Variants in FGD6 observed in about 807,000 individuals in gnomAD.
FGD6 encodes FYVE, RhoGEF and PH domain containing 6.
In FGD6, 90 loss-of-function variants were observed where a neutral mutation model predicts 149.4. The ratio of observed to expected loss-of-function variants is 0.60; its 90% CI spans 0.51 to 0.72. The LOEUF is 0.72. FGD6 is among the 30% of genes least tolerant of loss of function. The probability of loss-of-function intolerance (pLI) is 0.00; values close to 1 mark genes in which losing one functional copy is unlikely to be tolerated. For synonymous variants in FGD6, 527 were observed against 584.0 expected (o/e 0.90, Z 1.41); for missense variants, 1,437 against 1,684.8 (o/e 0.85, Z 2.57).
At chr12:95,132,527 C>A (rs1052071806) in intron 8 of FGD6, among the ~76,000 whole-genome samples, 7 of 152,052 alleles carry the variant, frequency 4.6e-5, no homozygotes, top group Admixed American at 1.3e-4. Context: ...CCAAGGCAGG[C>A]GGATCACAAG....
intron 8 of FGD6, chr12:95,126,017 G>A: frequency 7.4e-7 from 1 of 1,345,932 alleles, no homozygotes. Flanking sequence ...ATACAAAATG[G>A]GCAGCCACAC....
chr12:95,156,704 T>C (rs1880482896), intron 3 of FGD6, among the ~76,000 whole-genome samples: 1 of 152,170 alleles, frequency 6.6e-6, no homozygotes, highest in Non-Finnish European at 1.5e-5. Context: ...AAAAACTTGC[T>C]GGTTTTACGG....
chr12:95,131,108 GTTTTTTTTTT>G (rs59897965), intron 8 of FGD6, among the ~76,000 whole-genome samples: 9 of 128,362 alleles, frequency 7.0e-5, no homozygotes, highest in African/African-American at 2.6e-4. Context: ...TGGCTAAAGA[GTTTTTTTTTT>G]TTTTTTTTTT....
chr12:95,208,995 C>A lies in FGD6; in HGVS notation c.2289G>T (p.Leu763Phe). The A allele has an allele frequency of 6.2e-7, 1 of 1,614,126 alleles. No individual in the cohort carries two copies. The highest frequency in any genetic ancestry group is 8.5e-7 in the Non-Finnish European group (1 of 1,180,022). Residue 763 changes from leucine to phenylalanine, a missense_variant, in exon 2 of 21, where the codon TTG (leucine) becomes TTT (phenylalanine). Physicochemically the swap from Leu to Phe is conservative, Grantham distance 22 (BLOSUM62 0). This residue lies in a region of FGD6 where 1,055 missense variants were observed against 1,146.0 expected (regional missense o/e 0.92). Coordinates refer to ENST00000343958, the MANE Select transcript of FGD6 (RefSeq NM_018351.4). ...TTTTCCGTATAGCCATAATAAATGG[C>A]AAGTTCTCGTACTCTGGTATTTCCT... is the stretch of plus-strand genomic sequence containing the variant. ...HYEEIPEYEN[L>F]PFIMAIRKTQ...
rs536084149 is a variant in FGD6 at position 95,082,893 on chromosome 12, T to G, written c.4257-1337A>C. Among the ~76,000 whole-genome samples the G allele has an allele frequency of 2.8e-5, 4 of 144,856 alleles. No homozygotes were observed. In the East Asian group the frequency reaches 8.1e-4, roughly 29 times the overall value. On this transcript the variant is annotated intron_variant, in intron 20 of 20. Transcript: ENST00000343958. ...TGGGCATGGTGGCTCACACCTGTAA[T>G]TCCAGCACTTTGAGAGGCTGAGATA...
intron 9 of FGD6, among the ~76,000 whole-genome samples, chr12:95,110,291 T>C (rs1272286465): frequency 6.6e-6 from 1 of 150,450 alleles, no homozygotes; most frequent in Non-Finnish European, 1.5e-5. Flanking sequence ...TCTTTCCACA[T>C]GTATCATCAT....
At chr12:95,203,530 T>C (rs200987107) in intron 2 of FGD6, among the ~76,000 whole-genome samples, 4 of 152,228 alleles carry the variant, frequency 2.6e-5, no homozygotes, top group East Asian at 1.9e-4. Context: ...TTTTCTTTAA[T>C]ACCCTATTCA....
chr12:95,123,700 T>C (rs1240890916), intron 8 of FGD6, among the ~76,000 whole-genome samples: 1 of 151,912 alleles, frequency 6.6e-6, no homozygotes, highest in Non-Finnish European at 1.5e-5. Flanking sequence ...TAGCTGGGAC[T>C]ACAGGCGCCC....
At chr12:95,105,160 G>T in intron 13 of FGD6, 74 bp from the exon 14 acceptor site, 1 of 1,295,062 alleles carries the variant, frequency 7.7e-7, no homozygotes, top group Non-Finnish European at 1.1e-6. Flanking sequence ...GTTGTCCAAT[G>T]GCCCTGGCTG....
intron 2 of FGD6, among the ~76,000 whole-genome samples, chr12:95,190,829 T>C (rs1198849023): frequency 1.3e-5 from 2 of 152,148 alleles, no homozygotes; most frequent in African/African-American, 4.8e-5. Context: ...AGCAGGAGGA[T>C]TGCTTGAGGC....
chr12:95,115,012 G>A (rs1316287157), intron 8 of FGD6, among the ~76,000 whole-genome samples: 1 of 152,004 alleles, frequency 6.6e-6, no homozygotes, highest in Non-Finnish European at 1.5e-5. Flanking sequence ...CACTCTTCAA[G>A]GCTCTTCTTA....
chr12:95,133,282 G>C (rs1397308203), intron 8 of FGD6, among the ~76,000 whole-genome samples: 1 of 152,156 alleles, frequency 6.6e-6, no homozygotes, highest in Non-Finnish European at 1.5e-5. Flanking sequence ...GCCGGGCATG[G>C]TGGTGCACAC....
chr12:95,082,266 CA>C (rs1307999725), intron 20 of FGD6, among the ~76,000 whole-genome samples: 8 of 152,178 alleles, frequency 5.3e-5, no homozygotes, highest in Non-Finnish European at 1.0e-4. Context: ...CTCTAGCTAT[CA>C]GAGTTTCCTT....
At chr12:95,176,227 C>T (rs1416529514) in intron 2 of FGD6, among the ~76,000 whole-genome samples, 2 of 152,128 alleles carry the variant, frequency 1.3e-5, no homozygotes, top group East Asian at 3.9e-4. Flanking sequence ...CATGAGCCAC[C>T]ATATGCAGCC....
intron 8 of FGD6, among the ~76,000 whole-genome samples, chr12:95,134,529 G>C (rs1246395126): frequency 6.6e-6 from 1 of 152,138 alleles, no homozygotes; most frequent in East Asian, 1.9e-4. Flanking sequence ...AGGTGAAAAT[G>C]CACACATGGA....
intron 2 of FGD6, among the ~76,000 whole-genome samples, chr12:95,180,844 C>T (rs1331530033): frequency 2.0e-5 from 3 of 151,856 alleles, no homozygotes; most frequent in Non-Finnish European, 4.4e-5. Flanking sequence ...TACATATATA[C>T]ACATATTTTT....
chr12:95,183,195 G>A (rs1345405636), intron 2 of FGD6, among the ~76,000 whole-genome samples: 5 of 152,190 alleles, frequency 3.3e-5, no homozygotes, highest in Admixed American at 1.3e-4. Context: ...AAAGTCCCCT[G>A]GCCACCCTCT....
Position 95,104,942 on chromosome 12 carries a change from A to G in FGD6, c.3497+65T>C, listed in dbSNP as rs576094991. ...AAAACCAAAAACCAAAATTTTCCTG[A>G]CATTCCCTAGCAAGCAGACTCAGAA... is the stretch of plus-strand genomic sequence containing the variant. On this transcript the variant is annotated intron_variant, in intron 14 of 20. Coordinates refer to ENST00000343958, the MANE Select transcript of FGD6 (RefSeq NM_018351.4). 99 of 1,455,478 alleles carry G rather than the reference A, an allele frequency of 6.8e-5. No individual in the cohort carries two copies. In the East Asian group the frequency reaches 1.6e-3, roughly 23 times the overall value. The allele number at this position is 1,455,478 out of a possible 1,614,324, so 90.2% of individuals were successfully genotyped here.
At chr12:95,201,805 A>C (rs1455471626) in intron 2 of FGD6, among the ~76,000 whole-genome samples, 1 of 152,204 alleles carries the variant, frequency 6.6e-6, no homozygotes, top group Non-Finnish European at 1.5e-5. Flanking sequence ...GCTAAATTTA[A>C]GATTTTTAGA....
Sources: allele counts gnomAD v4.1 joint callset (sites outside exome capture counted in the v4.1 genomes callset), GRCh38; gene constraint gnomAD v4.1.1; regional missense constraint gnomAD v4.1.1; transcripts MANE v1.5; gene names NCBI Gene and HGNC (gene_info 2026-07-23, HGNC 2026-07-21).